The following TMPRSS15 variants were observed in gnomAD, a reference collection of about 807,000 sequenced individuals.
TMPRSS15 encodes enteropeptidase.
TMPRSS15 carries 128 observed loss-of-function variants against 125.3 expected under a neutral mutation model. The observed-to-expected ratio is 1.02, with a 90% CI of 0.89 to 1.18. The LOEUF (loss-of-function observed/expected upper bound fraction) is 1.18, where lower values mean the gene tolerates loss of function less well. TMPRSS15 is among the 50% of genes most tolerant of loss of function. TMPRSS15 has a pLI of 0.00. For synonymous variants in TMPRSS15, 446 were observed against 423.2 expected (o/e 1.05, Z -0.66); for missense variants, 1,283 against 1,212.7 (o/e 1.06, Z -0.86).
chr21:18,466,619 T>C (rs1327339196), intron 1 of TMPRSS15, among the ~76,000 whole-genome samples: 3 of 152,216 alleles, frequency 2.0e-5, no homozygotes, highest in South Asian at 4.1e-4. Context: ...CAGACACTTC[T>C]CAAAAGAAGA....
chr21:18,386,220 G>A (rs2075942527), intron 3 of TMPRSS15, among the ~76,000 whole-genome samples: 1 of 152,140 alleles, frequency 6.6e-6, no homozygotes, highest in Admixed American at 6.5e-5. Flanking sequence ...TGAGGACACT[G>A]AGGCTTAGAG....
chr21:18,427,766 G>GT (rs2076206470), intron 1 of TMPRSS15, among the ~76,000 whole-genome samples: 1 of 152,122 alleles, frequency 6.6e-6, no homozygotes, highest in Non-Finnish European at 1.5e-5. Flanking sequence ...GAATTTGGGA[G>GT]TTTTTTAAAA....
chr21:18,279,086 G>C, intron 22 of TMPRSS15, 27 bp from the exon 23 acceptor site: 3 of 1,168,270 alleles, frequency 2.6e-6, no homozygotes, highest in Non-Finnish European at 3.8e-6. Context: ...ACAGCAAAAC[G>C]AACAAACGAA....
In TMPRSS15 at chr21:18,358,902, C is replaced by T. The variant is rs75554845; in HGVS notation, c.880+855G>A. Among the ~76,000 whole-genome samples the T allele has an allele frequency of 9.5e-3, 1,445 of 152,070 alleles. 19 individuals carry two copies. The highest frequency in any genetic ancestry group is 0.031 in the Middle Eastern group (9 of 294). On this transcript the variant is annotated intron_variant, in intron 8 of 24. Transcript: ENST00000284885. ...ATTCAATAGGATTCACTTTTCATTA[C>T]GTATAAATACAATTTGAGAGGCAAG...
At chr21:18,353,175 A>T (rs1023895044) in intron 9 of TMPRSS15, 123 bp from the exon 10 acceptor site, 1 of 851,544 alleles carries the variant, frequency 1.2e-6, no homozygotes, top group Non-Finnish European at 1.8e-6. Flanking sequence ...GTACAAAATC[A>T]TTATTTTTTA....
chr21:18,313,061 G>A lies in TMPRSS15; in HGVS notation c.2049C>T (p.Gly683=). The change falls in exon 18 of 25, where the codon GGC becomes GGT. Residue 683 remains glycine (G), a synonymous_variant. Transcript: ENST00000284885. ...DEADCVRFFN[G]TTNNNGLVRF... Reference sequence around the variant, plus strand: ...GCACTAAACCATTGTTGTTCGTTGTGCCATTGAAAAAACGCACTAAAGACA... The same window carrying A: ...GCACTAAACCATTGTTGTTCGTTGTACCATTGAAAAAACGCACTAAAGACA... 1 of 1,613,734 alleles carries A rather than the reference G, an allele frequency of 6.2e-7. No individual in the cohort carries two copies. The highest frequency in any genetic ancestry group is 8.5e-7 in the Non-Finnish European group (1 of 1,179,824).
intron 4 of TMPRSS15, among the ~76,000 whole-genome samples, chr21:18,379,654 T>C (rs975675478): frequency 2.0e-5 from 3 of 152,108 alleles, no homozygotes; most frequent in Non-Finnish European, 4.4e-5. Context: ...TCCAGGTTAA[T>C]TTGATGTTAT....
intron 7 of TMPRSS15, among the ~76,000 whole-genome samples, chr21:18,360,810 TA>T (rs1408647602): frequency 6.6e-6 from 1 of 152,070 alleles, no homozygotes; most frequent in Admixed American, 6.6e-5. Flanking sequence ...TCTATTTCTG[TA>T]AAAAACCTCC....
At chr21:18,404,815 C>A, upstream of TMPRSS15, among the ~76,000 whole-genome samples, 1 of 151,748 alleles carries the variant, frequency 6.6e-6, no homozygotes, top group Non-Finnish European at 1.5e-5. Flanking sequence ...TGCCTGTTGC[C>A]CCCAAACTCA....
intron 1 of TMPRSS15, among the ~76,000 whole-genome samples, chr21:18,416,314 C>T (rs2076180011): frequency 6.6e-6 from 1 of 151,898 alleles, no homozygotes; most frequent in Non-Finnish European, 1.5e-5. Context: ...CATTTGGAAC[C>T]ACAAAAGACC....
chr21:18,456,085 T>C (rs1439211448), intron 1 of TMPRSS15, among the ~76,000 whole-genome samples: 1 of 152,140 alleles, frequency 6.6e-6, no homozygotes, highest in African/African-American at 2.4e-5. Context: ...AAAAGTCAAA[T>C]AATTATTTTT....
At chr21:18,329,680 G>A (rs985983827) in intron 14 of TMPRSS15, among the ~76,000 whole-genome samples, 12 of 150,390 alleles carry the variant, frequency 8.0e-5, no homozygotes, top group Non-Finnish European at 1.6e-4. Context: ...AAGAAAATTA[G>A]GTAATTAAAA....
intron 6 of TMPRSS15, 67 bp from the exon 7 acceptor site, chr21:18,365,315 T>C: frequency 1.6e-6 from 2 of 1,223,962 alleles, no homozygotes; most frequent in South Asian, 2.4e-5. Flanking sequence ...TGCAAAACAT[T>C]TCACAGAATA....
chr21:18,360,341 A>T (rs1244392494), intron 7 of TMPRSS15, among the ~76,000 whole-genome samples: 1 of 152,086 alleles, frequency 6.6e-6, no homozygotes, highest in African/African-American at 2.4e-5. Flanking sequence ...CGGATTATGG[A>T]CACTCACGTT....
chr21:18,447,804 G>C (rs939139895), intron 1 of TMPRSS15, among the ~76,000 whole-genome samples: 1 of 152,044 alleles, frequency 6.6e-6, no homozygotes, highest in African/African-American at 2.4e-5. Context: ...GTGTGAGTTC[G>C]TTAAGCCTCT....
intron 1 of TMPRSS15, among the ~76,000 whole-genome samples, chr21:18,411,692 C>A (rs2076166340): frequency 1.3e-5 from 2 of 152,062 alleles, no homozygotes; most frequent in African/African-American, 4.8e-5. Flanking sequence ...TTCTTGCTTC[C>A]TCGCCCTTCA....
At chr21:18,314,220 C>A (rs1467535115) in intron 17 of TMPRSS15, among the ~76,000 whole-genome samples, 1 of 152,150 alleles carries the variant, frequency 6.6e-6, no homozygotes, top group Non-Finnish European at 1.5e-5. Flanking sequence ...GGTGTGCAAC[C>A]TTTGGCAGCC....
At chr21:18,406,314 G>C (rs567362106), upstream of TMPRSS15, among the ~76,000 whole-genome samples, 1 of 152,268 alleles carries the variant, frequency 6.6e-6, no homozygotes, top group African/African-American at 2.4e-5. Flanking sequence ...GTTAGCTTCT[G>C]GGACGTCAAG....
At position 18,317,275 on chromosome 21, in the gene TMPRSS15, C is replaced by T. The variant is rs138294122; in HGVS notation, c.1922-2019G>A. Among the ~76,000 whole-genome samples the T allele has an allele frequency of 1.8e-3, 278 of 152,114 alleles. 1 individual carries two copies. The highest frequency in any genetic ancestry group is 6.4e-3 in the African/African-American group (267 of 41,464). ...GAGAGTACTGAAAAATACCATTACACTTCTAAAGAGAGGGACTCAGTATAG... is the reference window on the plus strand; with the variant it reads ...GAGAGTACTGAAAAATACCATTACATTTCTAAAGAGAGGGACTCAGTATAG... On this transcript the variant is annotated intron_variant, in intron 16 of 24. Coordinates refer to ENST00000284885, the MANE Select transcript of TMPRSS15 (RefSeq NM_002772.3).
Sources: gnomAD v4.1 joint callset for allele counts (sites outside exome capture counted in the v4.1 genomes callset) on GRCh38, gnomAD v4.1.1 for gene constraint, MANE v1.5 for transcripts, NCBI Gene and HGNC (gene_info 2026-07-23, HGNC 2026-07-21) for gene names.